PARVB: variants seen among roughly 807,000 people sequenced by gnomAD.
PARVB encodes beta-parvin.
In PARVB, 46 loss-of-function variants were observed where a neutral mutation model predicts 47.0. The observed-to-expected ratio is 0.98, with a 90% CI of 0.77 to 1.25. The LOEUF (loss-of-function observed/expected upper bound fraction) is 1.25, where lower values mean the gene tolerates loss of function less well. Ranked by LOEUF, PARVB falls within the 50% of genes most tolerant of loss-of-function variation. The pLI is 0.00. For missense variants in PARVB, 473 were observed against 471.6 expected (o/e 1.00, Z -0.03); for synonymous variants, 196 against 196.3 (o/e 1.00, Z 0.01).
In PARVB at chr22:44,157,115, C is replaced by T. The variant is rs557433654; in HGVS notation, c.844-867C>T. ...TTAAATAGCTGCATGTGGCCATTGG[C>T]TACCATGTTGAATAGCAGCTCCAGA... On this transcript the variant is annotated intron_variant, in intron 10 of 12. Coordinates refer to ENST00000338758, the MANE Select transcript of PARVB (RefSeq NM_013327.5). Among the ~76,000 whole-genome samples the T allele has an allele frequency of 9.8e-5, 15 of 152,328 alleles. No individual in the cohort carries two copies. In the East Asian group the frequency reaches 2.5e-3, roughly 25 times the overall value.
intron 10 of PARVB, among the ~76,000 whole-genome samples, chr22:44,157,422 AC>A (rs918249128): frequency 6.6e-6 from 1 of 151,822 alleles, no homozygotes; most frequent in Non-Finnish European, 1.5e-5. Flanking sequence ...AGCTCCAAAC[AC>A]TCATCATATT....
At chr22:44,039,862 T>C in intron 1 of PARVB, 3 of 455,856 alleles carry the variant, frequency 6.6e-6, no homozygotes, top group South Asian at 4.7e-5. Flanking sequence ...ATGCCCAGGC[T>C]GAAGTGCAGT....
At chr22:44,119,707 G>A (rs2052998351) in intron 4 of PARVB, 17 of 489,274 alleles carry the variant, frequency 3.5e-5, no homozygotes, top group South Asian at 2.1e-4. Flanking sequence ...CCAGGGATAC[G>A]GTGATCTTTG....
chr22:44,064,619 G>A (rs779440161), intron 1 of PARVB, among the ~76,000 whole-genome samples: 10 of 152,160 alleles, frequency 6.6e-5, no homozygotes, highest in Non-Finnish European at 1.3e-4. Context: ...CTGGAGGATC[G>A]CTTGAGCCCA....
At chr22:44,057,414 A>G (rs1009534843) in intron 1 of PARVB, among the ~76,000 whole-genome samples, 1 of 152,180 alleles carries the variant, frequency 6.6e-6, no homozygotes, top group Admixed American at 6.5e-5. Context: ...CAAAAAATCC[A>G]AAAGTGGGGG....
At chr22:44,005,390 T>A (rs1418543600) in intron 2 of PARVB, among the ~76,000 whole-genome samples, 1 of 151,044 alleles carries the variant, frequency 6.6e-6, no homozygotes, top group African/African-American at 2.4e-5. Context: ...TGAGATTACA[T>A]GTATGAGGTA....
At chr22:44,141,275 A>C (rs1418454439) in intron 8 of PARVB, 4 of 152,372 alleles carry the variant, frequency 2.6e-5, no homozygotes, top group African/African-American at 9.6e-5. Context: ...AGATAGATAT[A>C]TATAAAGGGG....
chr22:44,130,422 A>G (rs1187611050), intron 4 of PARVB, among the ~76,000 whole-genome samples: 1 of 152,238 alleles, frequency 6.6e-6, no homozygotes, highest in Non-Finnish European at 1.5e-5. Context: ...CCTACTGCTA[A>G]CAAAAGGGAA....
intron 7 of PARVB, 101 bp from the exon 8 acceptor site, chr22:44,140,023 A>ACCTTTCT: frequency 1.4e-5 from 2 of 142,012 alleles, no homozygotes; most frequent in Non-Finnish European, 2.2e-5. Context: ...GCGAGGGCCC[A>ACCTTTCT]GCTTTCTGGC....
intron 1 of PARVB, among the ~76,000 whole-genome samples, chr22:44,054,839 A>T (rs977639730): frequency 1.2e-4 from 18 of 151,658 alleles, no homozygotes; most frequent in Non-Finnish European, 2.6e-4. Context: ...AAACTACAAA[A>T]ATTAGCCGGG....
At chr22:44,029,550 T>C (rs896367920) in intron 1 of PARVB, among the ~76,000 whole-genome samples, 6 of 150,676 alleles carry the variant, frequency 4.0e-5, no homozygotes, top group Non-Finnish European at 7.4e-5. Context: ...CTGAGGCAGG[T>C]GGATCACCTA....
intron 11 of PARVB, among the ~76,000 whole-genome samples, chr22:44,161,545 C>G (rs1006214312): frequency 6.6e-6 from 1 of 152,124 alleles, no homozygotes; most frequent in Non-Finnish European, 1.5e-5. Context: ...AACTCCAGAC[C>G]TCATGATCCA....
chr22:44,052,402 G>A (rs1367336303), intron 1 of PARVB, among the ~76,000 whole-genome samples: 5 of 152,276 alleles, frequency 3.3e-5, no homozygotes, highest in Non-Finnish European at 5.9e-5. Flanking sequence ...TGGGAATGCC[G>A]AACCTACCTG....
chr22:44,062,181 G>C (rs2051432128), intron 1 of PARVB, among the ~76,000 whole-genome samples: 1 of 152,180 alleles, frequency 6.6e-6, no homozygotes, highest in Non-Finnish European at 1.5e-5. Flanking sequence ...CAGTTCTCCA[G>C]CAGACACCAG....
intron 12 of PARVB, among the ~76,000 whole-genome samples, chr22:44,167,331 C>T (rs371564056): frequency 3.0e-4 from 46 of 152,164 alleles, no homozygotes; most frequent in Admixed American, 1.4e-3. Context: ...TATCCCTGGG[C>T]GCAGGTGCTA....
chr22:44,052,138 TAC>T, intron 1 of PARVB, among the ~76,000 whole-genome samples: 1 of 152,352 alleles, frequency 6.6e-6, no homozygotes, highest in East Asian at 1.9e-4. Flanking sequence ...AGGATGCGAA[TAC>T]AGTCACCATC....
chr22:44,016,095 C>T (rs1266148469), intron 2 of PARVB, among the ~76,000 whole-genome samples: 1 of 104,408 alleles, frequency 9.6e-6, no homozygotes, highest in Non-Finnish European at 1.8e-5. Context: ...TTCTTTCTTT[C>T]TTTCTTTTTT....
chr22:44,129,064 G>C (rs1034879342), intron 4 of PARVB, among the ~76,000 whole-genome samples: 3 of 152,128 alleles, frequency 2.0e-5, no homozygotes, highest in Non-Finnish European at 1.5e-5. Context: ...GGTGACGAGA[G>C]TGAAACTCCA....
At chr22:44,161,183 G>A (rs4823197) in intron 11 of PARVB, among the ~76,000 whole-genome samples, 20,833 of 152,088 alleles carry the variant, frequency 0.14, 1,856 homozygotes, top group Admixed American at 0.22. Flanking sequence ...ATGGACGGTG[G>A]TCAGCTAAAG....
Sources: gnomAD v4.1 joint callset for allele counts (sites outside exome capture counted in the v4.1 genomes callset) on GRCh38, gnomAD v4.1.1 for gene constraint, MANE v1.5 for transcripts, NCBI Gene and HGNC (gene_info 2026-07-23, HGNC 2026-07-21) for gene names.